The following CHRFAM7A variants were observed in gnomAD, a reference collection of about 807,000 sequenced individuals.
CHRFAM7A encodes CHRNA7 (exons 5-10) and FAM7A (exons A-E) fusion.
Under a neutral mutation model 29.2 loss-of-function variants are expected in CHRFAM7A, and 3 were observed. The observed-to-expected ratio is 0.10, with a 90% CI of 0.05 to 0.27. The LOEUF (loss-of-function observed/expected upper bound fraction) is 0.27. CHRFAM7A is among the 10% of genes least tolerant of loss of function. The pLI is 1.00. For synonymous variants in CHRFAM7A, 7 were observed against 135.4 expected (o/e 0.05, Z 6.58); for missense variants, 22 against 328.0 (o/e 0.07, Z 7.21).
intron 4 of CHRFAM7A, among the ~76,000 whole-genome samples, chr15:30,379,416 AAAAG>A (rs2058957523): frequency 4.9e-5 from 1 of 20,478 alleles, no homozygotes; most frequent in African/African-American, 8.1e-5. Flanking sequence ...AAAAAAAAAA[AAAAG>A]AAAGAAAGAA....
intron 5 of CHRFAM7A, among the ~76,000 whole-genome samples, chr15:30,375,810 TTG>T (rs1284387501): frequency 4.8e-5 from 7 of 144,584 alleles, no homozygotes; most frequent in Admixed American, 2.0e-4. Context: ...ATGTGAGTGG[TTG>T]TGTGAGTGGT....
At chr15:30,370,927 T>G (rs1349029498) in intron 8 of CHRFAM7A, among the ~76,000 whole-genome samples, 171 bp downstream of exon 8, 2 of 151,712 alleles carry the variant, frequency 1.3e-5, no homozygotes, top group Non-Finnish European at 2.9e-5. Context: ...AATATCCCCT[T>G]CCCCTTACTT....
intron 5 of CHRFAM7A, among the ~76,000 whole-genome samples, chr15:30,374,536 A>T (rs577049220): frequency 6.8e-6 from 1 of 146,032 alleles, no homozygotes; most frequent in African/African-American, 2.6e-5. Flanking sequence ...ATTTCTACGA[A>T]ATAATGGCCC....
chr15:30,376,212 GGT>G (rs1337650134), intron 5 of CHRFAM7A, among the ~76,000 whole-genome samples: 8 of 146,008 alleles, frequency 5.5e-5, no homozygotes, highest in Non-Finnish European at 9.1e-5. Context: ...GGTTGTGAGT[GGT>G]GTGTGTGTGA....
intron 4 of CHRFAM7A, among the ~76,000 whole-genome samples, chr15:30,377,883 A>G (rs1287614025): frequency 7.2e-6 from 1 of 139,588 alleles, no homozygotes; most frequent in African/African-American, 2.8e-5. Context: ...TTAAAGTTAC[A>G]GTATTACACT....
chr15:30,371,491 G>A (rs1363602947), intron 7 of CHRFAM7A, among the ~76,000 whole-genome samples: 1 of 148,760 alleles, frequency 6.7e-6, no homozygotes, highest in Non-Finnish European at 1.5e-5. Flanking sequence ...AAATATTATT[G>A]AGAAGTAGTT....
intron 5 of CHRFAM7A, among the ~76,000 whole-genome samples, chr15:30,374,501 G>A (rs1214550988): frequency 2.1e-5 from 3 of 142,344 alleles, no homozygotes; most frequent in Non-Finnish European, 4.6e-5. Context: ...CAGTTAGTTG[G>A]AAAGCTTTGT....
chr15:30,377,786 C>T (rs1042344967), intron 4 of CHRFAM7A, among the ~76,000 whole-genome samples: 3 of 145,088 alleles, frequency 2.1e-5, no homozygotes, highest in African/African-American at 5.2e-5. Flanking sequence ...CTATGTTAGC[C>T]GGGATGGTCT....
chr15:30,373,528 G>C (rs1214491260), intron 5 of CHRFAM7A, among the ~76,000 whole-genome samples: 2 of 131,564 alleles, frequency 1.5e-5, no homozygotes, highest in Admixed American at 7.7e-5. Flanking sequence ...TAAAAGGTGT[G>C]TGTGTGTGTG....
In CHRFAM7A at chr15:30,376,413, C is replaced by G. The variant is rs1221992119; in HGVS notation, c.160+617G>C. On this transcript the variant is annotated intron_variant, in intron 5 of 9. Coordinates refer to ENST00000299847, the MANE Select transcript of CHRFAM7A (RefSeq NM_139320.2). ...TCTGCATGCACCTTTAGGCCATAAA[C>G]CCATTTCCCTTGCCCTGTGAATCGA... Among the ~76,000 whole-genome samples, 4 of 94,870 alleles carry G rather than the reference C, an allele frequency of 4.2e-5. No individual in the cohort carries two copies. In the East Asian group the frequency reaches 1.1e-3, roughly 25 times the overall value. The allele number at this position is 94,870 out of a possible 152,430, so 62.2% of individuals were successfully genotyped here. A position where few individuals can be genotyped will look rare whatever the true frequency, so the allele number is the denominator to read the frequency against.
rs3865088 is a variant in CHRFAM7A at position 30,361,700 on chromosome 15, C to CTTTTT, written c.*588_*592dup. The CTTTTT allele has an allele frequency of 3.4e-5, 3 of 88,494 alleles. No individual in the cohort carries two copies. The highest frequency in any genetic ancestry group is 1.1e-4 in the Admixed American group (1 of 9,472). 5.5% of individuals were successfully genotyped at this position (88,494 alleles called of 1,614,324 possible). A position where few individuals can be genotyped will look rare whatever the true frequency, so the allele number is the denominator to read the frequency against. ...ATCCTTAGTAAGACCAACAGTCTGTCTTTTTTTTTTTTTTTTTTGATGTAG... is the reference window on the plus strand; with the variant it reads ...ATCCTTAGTAAGACCAACAGTCTGTCTTTTTTTTTTTTTTTTTTTTTTTGATGTAG... On this transcript the variant is annotated 3_prime_UTR_variant, in exon 10 of 10. Coordinates refer to ENST00000299847, the MANE Select transcript of CHRFAM7A (RefSeq NM_139320.2).
In CHRFAM7A at chr15:30,371,379, A is replaced by T. The variant is rs988061058; in HGVS notation, c.524-195T>A. ...TTCCATGCCACTTACCAGAGTCCCA[A>T]AGGAGTCTCTTATGGAGACAAGTTT... is the stretch of plus-strand genomic sequence containing the variant. On this transcript the variant is annotated intron_variant, in intron 7 of 9. Coordinates refer to ENST00000299847, the MANE Select transcript of CHRFAM7A (RefSeq NM_139320.2). Among the ~76,000 whole-genome samples, 4 of 149,548 alleles carry T rather than the reference A, an allele frequency of 2.7e-5. No homozygotes were observed. The Admixed American group carries it at 2.7e-4, about 10-fold the overall frequency.
chr15:30,369,203 G>GC, intron 8 of CHRFAM7A, among the ~76,000 whole-genome samples: 1 of 146,152 alleles, frequency 6.8e-6, no homozygotes, highest in Non-Finnish European at 1.5e-5. Flanking sequence ...CCAGGGAGTG[G>GC]CCCCTCACCA....
Position 30,363,004 on chromosome 15 carries a change from T to G in CHRFAM7A, c.721-193A>C, listed in dbSNP as rs1347592440. Among the ~76,000 whole-genome samples the G allele has an allele frequency of 7.1e-4, 107 of 151,478 alleles. 2 individuals carry two copies. Among genetic ancestry groups the G allele is most frequent in the African/African-American group, 2.6e-3 (106 of 40,948 alleles). ...AGTCGAGTTCAACGTGAGGCAAGAC[T>G]AAAACTGATGCACCCTGGGAACAAG... On this transcript the variant is annotated intron_variant, in intron 9 of 9. Transcript: ENST00000299847.
chr15:30,376,069 G>T (rs1228145749), intron 5 of CHRFAM7A, among the ~76,000 whole-genome samples: 5 of 151,464 alleles, frequency 3.3e-5, no homozygotes, highest in African/African-American at 1.2e-4. Context: ...TGGGTGGTGT[G>T]TATGAGTGGT....
intron 4 of CHRFAM7A, among the ~76,000 whole-genome samples, chr15:30,377,577 C>CTT (rs66689503): frequency 2.1e-4 from 20 of 94,050 alleles, no homozygotes; most frequent in South Asian, 8.2e-4. Flanking sequence ...ACATATATAT[C>CTT]TTTTTTTTTT....
In CHRFAM7A at chr15:30,371,200, A is replaced by ACC. The variant is rs2058851110; in HGVS notation, c.524-17_524-16insGG. On this transcript the variant is annotated splice_polypyrimidine_tract_variant and intron_variant, in intron 7 of 9. Coordinates refer to ENST00000299847, the MANE Select transcript of CHRFAM7A (RefSeq NM_139320.2). Reference sequence around the variant, plus strand: ...ACTGTTATCCCTAAAACATAAACACACAGCGGTTCCTCAGACAAAAACAGA... The same window carrying ACC: ...ACTGTTATCCCTAAAACATAAACACACCCAGCGGTTCCTCAGACAAAAACAGA... 2 of 1,233,166 alleles carry ACC rather than the reference A, an allele frequency of 1.6e-6. No individual in the cohort carries two copies. The highest frequency in any genetic ancestry group is 2.3e-6 in the Non-Finnish European group (2 of 852,126). The allele number at this position is 1,233,166 out of a possible 1,614,324, so 76.4% of individuals were successfully genotyped here. A position where few individuals can be genotyped will look rare whatever the true frequency, so the allele number is the denominator to read the frequency against.
Position 30,360,634 on chromosome 15 carries a change from C to T in CHRFAM7A, c.*1659G>A, listed in dbSNP as rs977455875. 1 of 19,922 alleles carries T rather than the reference C, an allele frequency of 5.0e-5. No homozygotes were observed. The highest frequency in any genetic ancestry group is 1.8e-4 in the African/African-American group (1 of 5,434). 1.2% of individuals were successfully genotyped at this position (19,922 alleles called of 1,614,324 possible). ...ATCTTCCCTCATGATGTTCCCACCT[C>T]AGGGATTAGAAGCAAATTAAAAATC... On this transcript the variant is annotated 3_prime_UTR_variant, in exon 10 of 10. Transcript: ENST00000299847.
chr15:30,377,798 G>A (rs1307597415), intron 4 of CHRFAM7A, among the ~76,000 whole-genome samples: 4 of 145,422 alleles, frequency 2.8e-5, no homozygotes, highest in East Asian at 4.0e-4. Context: ...GGATGGTCTC[G>A]ATCTCCTGAC....
Sources: allele counts gnomAD v4.1 joint callset (sites outside exome capture counted in the v4.1 genomes callset), GRCh38; gene constraint gnomAD v4.1.1; transcripts MANE v1.5; gene names NCBI Gene and HGNC (gene_info 2026-07-23, HGNC 2026-07-21).